The following SVEP1 variants were observed in gnomAD, a reference collection of about 807,000 sequenced individuals.
SVEP1 encodes sushi, von Willebrand factor type A, EGF and pentraxin domain-containing protein 1.
In SVEP1, 164 loss-of-function variants were observed where a neutral mutation model predicts 367.3. That is an observed-to-expected ratio of 0.45 (90% CI 0.39 to 0.51). SVEP1 has a LOEUF of 0.51. Among genes scored for constraint, SVEP1 ranks in the 20% least tolerant of loss-of-function variants. The pLI, the probability that SVEP1 is intolerant of heterozygous loss-of-function variation, is 0.00. For missense variants in SVEP1, 4,117 were observed against 4,425.3 expected (o/e 0.93, Z 1.98); for synonymous variants, 1,666 against 1,611.6 (o/e 1.03, Z -0.81).
At chr9:110,537,153 AC>A (rs1290114613) in intron 3 of SVEP1, among the ~76,000 whole-genome samples, 5 of 151,970 alleles carry the variant, frequency 3.3e-5, no homozygotes, top group African/African-American at 1.2e-4. Flanking sequence ...CTCAGGAGGA[AC>A]TCCAAGAATT....
chr9:110,414,613 A>G (rs1564136512), intron 36 of SVEP1, among the ~76,000 whole-genome samples: 1 of 152,028 alleles, frequency 6.6e-6, no homozygotes, highest in Non-Finnish European at 1.5e-5. Flanking sequence ...ATCGTAACAA[A>G]AAATCCTTTG....
intron 43 of SVEP1, among the ~76,000 whole-genome samples, chr9:110,380,039 T>G (rs1156701655): frequency 1.3e-5 from 2 of 152,230 alleles, no homozygotes; most frequent in African/African-American, 2.4e-5. Context: ...GCTCAGTGAA[T>G]ACAACTTGAT....
At position 110,433,465 on chromosome 9, in the gene SVEP1, CTTTTT is replaced by C. The variant is rs11300153; in HGVS notation, c.5060-835_5060-831del. Among the ~76,000 whole-genome samples, 178 of 119,996 alleles carry C rather than the reference CTTTTT, an allele frequency of 1.5e-3. 1 individual carries two copies. The highest frequency in any genetic ancestry group is 3.9e-3 in the African/African-American group (128 of 32,628). 78.7% of individuals were successfully genotyped at this position (119,996 alleles called of 152,430 possible). Reference sequence around the variant, plus strand: ...TCCACCTAACCCTCATTTTGTATTACTTTTTTTTTTTTTTTTTTTTTAAGATAGGG... The same window carrying C: ...TCCACCTAACCCTCATTTTGTATTACTTTTTTTTTTTTTTTTAAGATAGGG... On this transcript the variant is annotated intron_variant, in intron 30 of 47. Transcript: ENST00000374469.
At chr9:110,567,435 T>A (rs1466562619) in intron 1 of SVEP1, among the ~76,000 whole-genome samples, 1 of 152,210 alleles carries the variant, frequency 6.6e-6, no homozygotes, top group East Asian at 1.9e-4. Flanking sequence ...TAAATTTTGA[T>A]ACTCGGTCTC....
intron 20 of SVEP1, chr9:110,458,158 C>G (rs1828805911): frequency 1.8e-6 from 1 of 556,126 alleles, no homozygotes; most frequent in Non-Finnish European, 3.4e-6. Context: ...ACCAAATTCT[C>G]TTACTCAAAT....
chr9:110,501,325 A>C (rs1398146573), intron 6 of SVEP1, among the ~76,000 whole-genome samples: 1 of 151,650 alleles, frequency 6.6e-6, no homozygotes. Flanking sequence ...TTATTCTGAC[A>C]TATTTTATAT....
At chr9:110,409,512 G>GTAAAAGATCAGTAATC (rs1387702661) in intron 37 of SVEP1, among the ~76,000 whole-genome samples, 5 of 152,108 alleles carry the variant, frequency 3.3e-5, no homozygotes, top group Non-Finnish European at 7.4e-5. Context: ...CCCATAACAA[G>GTAAAAGATCAGTAATC]TAAAAGATCA....
Position 110,400,994 on chromosome 9 carries a change from C to T in SVEP1, c.9682G>A (p.Glu3228Lys). The T allele has an allele frequency of 1.2e-6, 2 of 1,613,588 alleles. No individual in the cohort carries two copies. Among genetic ancestry groups the T allele is most frequent in the Non-Finnish European group, 1.7e-6 (2 of 1,179,784 alleles). ...CAAGATTCATCGGAGAATGGTGGCTCCCAGGTTCCATCAAGCTAAGTGACA... is the reference window on the plus strand; with the variant it reads ...CAAGATTCATCGGAGAATGGTGGCTTCCAGGTTCCATCAAGCTAAGTGACA... ...ISVCQLDGTWEPPFSDESCSP... is the reference protein window; with the variant it reads ...ISVCQLDGTWKPPFSDESCSP... The change falls in exon 40 of 48, where the codon GAG (glutamate) becomes AAG (lysine). Residue 3228 changes from glutamate (E) to lysine (K), a missense_variant. Transcript: ENST00000374469.
chr9:110,552,314 GCCA>G (rs1773703743), intron 1 of SVEP1, among the ~76,000 whole-genome samples: 1 of 151,942 alleles, frequency 6.6e-6, no homozygotes, highest in Admixed American at 6.6e-5. Context: ...ACAGGCGTGA[GCCA>G]CCACGCCCTG....
intron 36 of SVEP1, among the ~76,000 whole-genome samples, chr9:110,423,785 G>C (rs962007812): frequency 6.6e-6 from 1 of 150,462 alleles, no homozygotes; most frequent in Non-Finnish European, 1.5e-5. Flanking sequence ...GAAAATATAA[G>C]TCAATATGAA....
Position 110,385,913 on chromosome 9 carries a change from T to A in SVEP1, c.10222A>T (p.Ser3408Cys). 1 of 1,613,180 alleles carries A rather than the reference T, an allele frequency of 6.2e-7. No individual in the cohort carries two copies. The change falls in exon 43 of 48, where the codon AGC becomes TGC. Residue 3408 changes from serine (S) to cysteine (C), a missense_variant. Ser to Cys is a moderately radical substitution (Grantham distance 112). Coordinates refer to ENST00000374469, the MANE Select transcript of SVEP1 (RefSeq NM_153366.4). ...CNPDETWTQT[S>C]AKCEKISCGP... ...GCTGACTTACTTTCACATTTGGCGC[T>A]TGTCTGTGTCCACGTCTCGTCGGGG...
intron 3 of SVEP1, among the ~76,000 whole-genome samples, chr9:110,522,245 C>G (rs933607650): frequency 2.6e-5 from 4 of 152,120 alleles, no homozygotes; most frequent in Non-Finnish European, 4.4e-5. Context: ...GTAGGCCCAA[C>G]AGAAGTTGAT....
At position 110,406,408 on chromosome 9, in the gene SVEP1, A is replaced by G; in HGVS notation, c.9192T>C (p.Cys3064=). The change falls in exon 38 of 48, where the codon TGT becomes TGC. Residue 3064 remains cysteine (C), a synonymous_variant. Coordinates refer to ENST00000374469, the MANE Select transcript of SVEP1 (RefSeq NM_153366.4). The part of the protein sequence containing the change: ...SGFPHCEHTS[C]GSLPMIPNAF... ...CATTTGGTATCATTGGAAGAGAACCACAAGAAGTGTGTTCACAGTGGGGGA... is the reference window on the plus strand; with the variant it reads ...CATTTGGTATCATTGGAAGAGAACCGCAAGAAGTGTGTTCACAGTGGGGGA... 1.2e-6 allele frequency: 2 copies of G among 1,614,056 alleles called. No homozygotes were observed. Among genetic ancestry groups the G allele is most frequent in the Non-Finnish European group, 1.7e-6 (2 of 1,179,892 alleles).
At chr9:110,514,299 G>C in intron 3 of SVEP1, 193 bp from the exon 4 acceptor site, 1 of 635,650 alleles carries the variant, frequency 1.6e-6, no homozygotes, top group Non-Finnish European at 2.7e-6. Flanking sequence ...ATCACCTGAG[G>C]TCAGGAGTTT....
rs546439314 is a variant in SVEP1, at chr9:110,411,447, C to T, written c.6264G>A (p.Ser2088=). The part of the protein sequence containing the change: ...CIAHFCEKPP[S]VSYSILESVS... ...CAGATTCCAAGATGCTATAGGAAAC[C>T]GATGGAGGTTTTTCACAGAAATGAG... Residue 2088 remains serine (S), a synonymous_variant, in exon 37 of 48, where the codon TCG becomes TCA. Transcript: ENST00000374469. The T allele has an allele frequency of 7.6e-5, 122 of 1,613,990 alleles. No individual in the cohort carries two copies. The Admixed American group carries it at 1.5e-3, about 20-fold the overall frequency.
At chr9:110,414,711 G>A (rs1276628932) in intron 36 of SVEP1, among the ~76,000 whole-genome samples, 2 of 151,886 alleles carry the variant, frequency 1.3e-5, no homozygotes, top group Non-Finnish European at 2.9e-5. Context: ...TGTGCCTGGA[G>A]AGCTTTATGA....
At chr9:110,439,838 T>C (rs891475664) in intron 27 of SVEP1, among the ~76,000 whole-genome samples, 6 of 152,222 alleles carry the variant, frequency 3.9e-5, no homozygotes, top group African/African-American at 1.4e-4. Flanking sequence ...CTTATGCCTC[T>C]GGTCAGCAAG....
At chr9:110,392,151 A>ATATATATATATATATATATATATATC (rs1308038317) in intron 40 of SVEP1, among the ~76,000 whole-genome samples, 19 of 146,080 alleles carry the variant, frequency 1.3e-4, no homozygotes, top group African/African-American at 4.0e-4. Flanking sequence ...ATATATATAT[A>ATATATATATATATATATATATATATC]TATCTCTTCT....
At chr9:110,554,618 A>G (rs1830333065) in intron 1 of SVEP1, among the ~76,000 whole-genome samples, 1 of 152,184 alleles carries the variant, frequency 6.6e-6, no homozygotes, top group Non-Finnish European at 1.5e-5. Flanking sequence ...CAGCCTGAAG[A>G]GGCTCCTTCT....
Sources: allele counts gnomAD v4.1 joint callset (sites outside exome capture counted in the v4.1 genomes callset), GRCh38; gene constraint gnomAD v4.1.1; transcripts MANE v1.5; gene names NCBI Gene and HGNC (gene_info 2026-07-23, HGNC 2026-07-21).